Variants in GPM6B observed in about 807,000 individuals in gnomAD.
GPM6B encodes glycoprotein M6B, also known as neuronal membrane glycoprotein M6-b.
GPM6B carries 4 observed loss-of-function variants against 27.2 expected under a neutral mutation model. The observed-to-expected ratio is 0.15, with a 90% CI of 0.07 to 0.34. The LOEUF (loss-of-function observed/expected upper bound fraction) is 0.34, where lower values mean the gene tolerates loss of function less well. Ranked by LOEUF, GPM6B falls within the 10% of genes least tolerant of loss-of-function variation. The pLI, the probability that GPM6B is intolerant of heterozygous loss-of-function variation, is 1.00. For synonymous variants in GPM6B, 124 were observed against 103.1 expected, an observed-to-expected ratio of 1.20 and a Z score of -1.23; for missense variants, 183 against 261.9, an observed-to-expected ratio of 0.70 and a Z score of 2.08.
intron 1 of GPM6B, among the ~76,000 whole-genome samples, chrX:13,928,833 C>T (rs1468966015): frequency 3.6e-5 from 4 of 112,080 alleles, no homozygotes; most frequent in Non-Finnish European, 7.5e-5. Flanking sequence ...TGCGCTGGAA[C>T]TATTTTGCAA....
chrX:13,923,178 GA>G (rs1555932569), intron 1 of GPM6B, among the ~76,000 whole-genome samples: 2,693 of 99,660 alleles, frequency 0.027, 95 homozygotes, highest in African/African-American at 0.093. Context: ...CTCCGTCTCA[GA>G]AAAAAAAAAA....
intron 1 of GPM6B, among the ~76,000 whole-genome samples, chrX:13,870,522 A>T (rs755994643): frequency 1.8e-4 from 20 of 111,942 alleles, no homozygotes; most frequent in Admixed American, 4.7e-4. Flanking sequence ...AGGAGCTCTC[A>T]GTCTAGAAAG....
At chrX:13,875,583 A>G (rs768009250) in intron 1 of GPM6B, among the ~76,000 whole-genome samples, 2 of 112,226 alleles carry the variant, frequency 1.8e-5, no homozygotes, top group South Asian at 7.4e-4. Context: ...TGGTCACAGG[A>G]GCACTCTTCA....
Position 13,894,405 on chromosome X carries a change from C to A in GPM6B, c.-198+43922G>T, listed in dbSNP as rs2050214154. ...ATACTGTGAAATCTAGCTCATCAGA[C>A]AAGCTAGACAATAGAAGTTTATCAA... On this transcript the variant is annotated intron_variant, in intron 1 of 6. Transcript: ENST00000398361. 2.7e-5 allele frequency among the ~76,000 whole-genome samples: 3 copies of A among 112,086 alleles called. No homozygotes were observed. In the South Asian group the frequency reaches 1.1e-3, roughly 42 times the overall value.
intron 1 of GPM6B, among the ~76,000 whole-genome samples, chrX:13,910,326 G>C (rs2050367614): frequency 8.9e-6 from 1 of 112,595 alleles, no homozygotes; most frequent in South Asian, 3.7e-4. Context: ...AGTGGGGCCA[G>C]GCATCGGCAT....
In GPM6B at chrX:13,771,641, A is replaced by G. The variant is rs2048300801; in HGVS notation, c.*1240T>C. 1 of 111,962 alleles carries G rather than the reference A, an allele frequency of 8.9e-6. No individual in the cohort carries two copies. Among genetic ancestry groups the G allele is most frequent in the African/African-American group, 3.2e-5 (1 of 30,777 alleles). The allele number at this position is 111,962 out of a possible 1,213,427, so 9.2% of individuals were successfully genotyped here. On this transcript the variant is annotated 3_prime_UTR_variant, in exon 8 of 8. Transcript: ENST00000316715. ...CCTTTGAAAAGCACTGATGCACCCA[A>G]CAGTTATATGGATCATTTCATAAAG...
At chrX:13,931,424 C>T (rs959141723) in intron 1 of GPM6B, among the ~76,000 whole-genome samples, 21 of 106,137 alleles carry the variant, frequency 2.0e-4, no homozygotes, top group Non-Finnish European at 3.7e-4. Flanking sequence ...GGAGGCAGAG[C>T]TTGCAGTGAG....
intron 2 of GPM6B, among the ~76,000 whole-genome samples, chrX:13,799,190 A>ATTTTTTTTTTTTTTTTTT (rs763194245): frequency 5.6e-5 from 2 of 35,957 alleles, no homozygotes; most frequent in Non-Finnish European, 9.3e-5. Flanking sequence ...AGCCAACCTA[A>ATTTTTTTTTTTTTTTTTT]TTTTTTTTTT....
chrX:13,887,067 C>T (rs190288288), intron 1 of GPM6B, among the ~76,000 whole-genome samples: 143 of 112,247 alleles, frequency 1.3e-3, no homozygotes, highest in African/African-American at 4.0e-3. Flanking sequence ...GATCTGCCCA[C>T]CTCGGCCTCC....
intron 1 of GPM6B, among the ~76,000 whole-genome samples, chrX:13,848,201 T>C (rs949486393): frequency 2.7e-5 from 3 of 111,913 alleles, no homozygotes; most frequent in African/African-American, 9.8e-5. Flanking sequence ...CCCAGATCCT[T>C]TGTCCAGCCA....
At chrX:13,773,805 G>A (rs981218657) in intron 7 of GPM6B, 6 of 171,600 alleles carry the variant, frequency 3.5e-5, no homozygotes, top group African/African-American at 6.4e-5. Context: ...TTCTCTTCCC[G>A]TTAAAATCTT....
At chrX:13,865,023 T>C (rs2049893437) in intron 1 of GPM6B, among the ~76,000 whole-genome samples, 1 of 112,206 alleles carries the variant, frequency 8.9e-6, no homozygotes, top group South Asian at 3.7e-4. Context: ...GTGAATGTAG[T>C]CTCTCTTTCT....
intron 1 of GPM6B, among the ~76,000 whole-genome samples, chrX:13,888,029 T>C (rs2050153681): frequency 8.9e-6 from 1 of 112,260 alleles, no homozygotes; most frequent in Admixed American, 9.4e-5. Flanking sequence ...TATGGGTGTG[T>C]TGAGGACAGA....
intron 1 of GPM6B, among the ~76,000 whole-genome samples, chrX:13,916,663 ATGTGTGTGTGTGTGTG>A (rs55844856): frequency 2.3e-4 from 21 of 90,184 alleles, no homozygotes; most frequent in Admixed American, 1.6e-3. Context: ...TAGTTTATTA[ATGTGTGTGTGTGTGTG>A]TGTGTGTGTG....
chrX:13,782,387 G>A (rs1164047784), intron 4 of GPM6B, among the ~76,000 whole-genome samples: 1 of 111,557 alleles, frequency 9.0e-6, no homozygotes. Context: ...ATGCTCAAAG[G>A]ATCCAAATAT....
intron 1 of GPM6B, among the ~76,000 whole-genome samples, chrX:13,899,162 G>A (rs904333472): frequency 1.8e-5 from 2 of 110,545 alleles, no homozygotes; most frequent in Non-Finnish European, 3.8e-5. Flanking sequence ...TGTAATCCCA[G>A]CTCTTTGGGA....
chrX:13,888,675 CCTTT>C (rs771660701), intron 1 of GPM6B, among the ~76,000 whole-genome samples: 30 of 111,918 alleles, frequency 2.7e-4, no homozygotes, highest in African/African-American at 7.8e-4. Flanking sequence ...ACCCCCACCC[CCTTT>C]TTTTTCCTGT....
rs1460590232 is a variant in GPM6B at position 13,856,354 on chromosome X, C to T, written c.-197-70546G>A. Among the ~76,000 whole-genome samples, 5 of 111,626 alleles carry T rather than the reference C, an allele frequency of 4.5e-5. No individual in the cohort carries two copies. In the East Asian group the frequency reaches 1.4e-3, roughly 31 times the overall value. Reference sequence around the variant, plus strand: ...CAGACAATGAATACCTCCTCCAGAGCTTTCCCATTCAAAGTGTGGGCTACA... The same window carrying T: ...CAGACAATGAATACCTCCTCCAGAGTTTTCCCATTCAAAGTGTGGGCTACA... On this transcript the variant is annotated intron_variant, in intron 1 of 6. Transcript: ENST00000398361.
At chrX:13,810,034 C>T (rs745447629) in intron 1 of GPM6B, among the ~76,000 whole-genome samples, 2 of 109,443 alleles carry the variant, frequency 1.8e-5, no homozygotes, top group Non-Finnish European at 3.8e-5. Context: ...AGGAGAATCA[C>T]TTTAACCTGG....
Sources: gnomAD v4.1 joint callset for allele counts (sites outside exome capture counted in the v4.1 genomes callset) on GRCh38, gnomAD v4.1.1 for gene constraint, MANE v1.5 for transcripts, NCBI Gene and HGNC (gene_info 2026-07-23, HGNC 2026-07-21) for gene names.